Variants in RABEPK observed in about 807,000 individuals in gnomAD.
The protein encoded by RABEPK is 40 kDa Rab9 effector protein.
A neutral mutation model predicts 34.1 loss-of-function variants in RABEPK; 27 were observed. That is an observed-to-expected ratio of 0.79 (90% CI 0.58 to 1.09). The LOEUF (loss-of-function observed/expected upper bound fraction) is 1.09. RABEPK is among the 50% of genes least tolerant of loss of function. The probability of loss-of-function intolerance (pLI) is 0.00; values close to 1 mark genes in which losing one functional copy is unlikely to be tolerated. For synonymous variants in RABEPK, 172 were observed against 169.2 expected, an observed-to-expected ratio of 1.02 and a Z score of -0.13; for missense variants, 449 against 462.6, an observed-to-expected ratio of 0.97 and a Z score of 0.27.
At chr9:125,203,935 G>C (rs1306275060) in intron 2 of RABEPK, among the ~76,000 whole-genome samples, 1 of 149,462 alleles carries the variant, frequency 6.7e-6, no homozygotes, top group East Asian at 2.0e-4. Flanking sequence ...GGGAGGCTAA[G>C]ACAGGAGAAT....
At chr9:125,207,823 C>T in intron 3 of RABEPK, 102 bp downstream of exon 3, 1 of 1,427,802 alleles carries the variant, frequency 7.0e-7, no homozygotes, top group South Asian at 1.3e-5. Flanking sequence ...GCAGGGTTTT[C>T]CTATAAGAAA....
At chr9:125,203,458 A>T (rs921182397) in intron 2 of RABEPK, among the ~76,000 whole-genome samples, 4 of 152,134 alleles carry the variant, frequency 2.6e-5, no homozygotes, top group African/African-American at 9.7e-5. Context: ...CATTGGCCTG[A>T]TGGGGGCAGC....
At position 125,220,585 on chromosome 9, in the gene RABEPK, C is replaced by A. The variant is rs1280668474; in HGVS notation, c.411C>A (p.Ser137=). 3 of 1,614,020 alleles carry A rather than the reference C, an allele frequency of 1.9e-6. No individual in the cohort carries two copies. The highest frequency in any genetic ancestry group is 2.5e-6 in the Non-Finnish European group (3 of 1,180,032). Residue 137 remains serine (S), a synonymous_variant, in exon 5 of 8, where the codon TCC becomes TCA. Transcript: ENST00000373538. ...CAGAAGTGACCAGCCCCCCACCATC[C>A]CCAAGAACATTCCACACATCATCGG... is the stretch of plus-strand genomic sequence containing the variant. ...TTPEVTSPPP[S]PRTFHTSSAA...
chr9:125,205,888 A>T (rs1175147046), intron 2 of RABEPK, among the ~76,000 whole-genome samples: 1 of 152,182 alleles, frequency 6.6e-6, no homozygotes, highest in Admixed American at 6.6e-5. Flanking sequence ...GTGATAATTG[A>T]AGTTATCACT....
intron 7 of RABEPK, among the ~76,000 whole-genome samples, chr9:125,233,067 ACT>A (rs1458388745): frequency 4.7e-5 from 7 of 148,212 alleles, no homozygotes; most frequent in Non-Finnish European, 1.5e-5. Flanking sequence ...ACAGAGCGAG[ACT>A]CTGTCTCAAA....
chr9:125,233,440 G>A (rs974977373), intron 7 of RABEPK, among the ~76,000 whole-genome samples: 3 of 144,996 alleles, frequency 2.1e-5, no homozygotes, highest in African/African-American at 7.7e-5. Context: ...CTGGGTTCAC[G>A]CCATTCTCCT....
chr9:125,205,037 G>A (rs1353976127), intron 2 of RABEPK, among the ~76,000 whole-genome samples: 1 of 151,848 alleles, frequency 6.6e-6, no homozygotes, highest in Non-Finnish European at 1.5e-5. Flanking sequence ...TGCCCAGGCT[G>A]GTCTCAAACT....
chr9:125,219,537 G>A (rs903232726), intron 4 of RABEPK, among the ~76,000 whole-genome samples: 1 of 151,664 alleles, frequency 6.6e-6, no homozygotes, highest in Non-Finnish European at 1.5e-5. Flanking sequence ...GGGATTATAG[G>A]TCCCCACCAC....
chr9:125,207,855 G>GCCACCACACC, intron 3 of RABEPK, 134 bp downstream of exon 3: 1 of 1,093,762 alleles, frequency 9.1e-7, no homozygotes, highest in Non-Finnish European at 1.3e-6. Flanking sequence ...ACCAGGTGTG[G>GCCACCACACC]TGGCTCACGC....
At chr9:125,209,342 A>C (rs1588341102) in intron 3 of RABEPK, among the ~76,000 whole-genome samples, 2 of 149,796 alleles carry the variant, frequency 1.3e-5, no homozygotes, top group East Asian at 3.9e-4. Flanking sequence ...TATGCATGTG[A>C]GTCACCACAC....
At chr9:125,231,097 G>A (rs1832140133) in intron 6 of RABEPK, among the ~76,000 whole-genome samples, 1 of 151,678 alleles carries the variant, frequency 6.6e-6, no homozygotes, top group Non-Finnish European at 1.5e-5. Flanking sequence ...GAGGTCAGGA[G>A]TTTGAGACTA....
intron 5 of RABEPK, among the ~76,000 whole-genome samples, chr9:125,225,962 C>CA (rs60277969): frequency 0.17 from 16,678 of 98,332 alleles, 1,169 homozygotes; most frequent in Non-Finnish European, 0.19. Flanking sequence ...GACTCTGTTT[C>CA]AAAAAAAAAA....
chr9:125,211,777 G>A (rs536700612), intron 3 of RABEPK, among the ~76,000 whole-genome samples: 25 of 152,192 alleles, frequency 1.6e-4, no homozygotes, highest in Admixed American at 4.6e-4. Context: ...AGGCCAGCCC[G>A]GCCAATATGG....
intron 4 of RABEPK, among the ~76,000 whole-genome samples, chr9:125,216,787 C>A (rs1336147824): frequency 6.6e-6 from 1 of 152,000 alleles, no homozygotes; most frequent in East Asian, 1.9e-4. Context: ...ATACTGAAAG[C>A]CCGTCTCTAC....
chr9:125,232,561 C>T (rs1832273109), intron 6 of RABEPK, 35 bp from the exon 7 acceptor site: 1 of 1,591,856 alleles, frequency 6.3e-7, no homozygotes, highest in Admixed American at 1.8e-5. Context: ...CATCTTAGCC[C>T]ATGCTGCGCC....
chr9:125,205,726 G>A (rs1401597607), intron 2 of RABEPK, among the ~76,000 whole-genome samples: 1 of 152,146 alleles, frequency 6.6e-6, no homozygotes, highest in Non-Finnish European at 1.5e-5. Context: ...TTGACCTCAT[G>A]ATCTGCCTGC....
rs752707878 is a variant in RABEPK, at chr9:125,207,648, G to A, written c.138G>A (p.Lys46=). The A allele has an allele frequency of 7.4e-6, 12 of 1,614,062 alleles. No homozygotes were observed. The Admixed American group carries it at 2.0e-4, about 27-fold the overall frequency. Reference sequence around the variant, plus strand: ...ATTTACCCCCAGTTGGTAATGCCAAGAGAGGGAAGGTCTTCATTGTTGGGG... The same window carrying A: ...ATTTACCCCCAGTTGGTAATGCCAAAAGAGGGAAGGTCTTCATTGTTGGGG... ...CSYLPPVGNA[K]RGKVFIVGGA... The change falls in exon 3 of 8, where the codon AAG becomes AAA. Residue 46 remains lysine, a synonymous_variant. Transcript: ENST00000373538.
At position 125,210,755 on chromosome 9, in the gene RABEPK, C is replaced by T. The variant is rs574248562; in HGVS notation, c.212-2615C>T. Reference sequence around the variant, plus strand: ...AAAGAAACGATTATTCTTTGCTCTACACAAGGGCAGAAGTTGAACAATGGT... The same window carrying T: ...AAAGAAACGATTATTCTTTGCTCTATACAAGGGCAGAAGTTGAACAATGGT... On this transcript the variant is annotated intron_variant, in intron 3 of 7. Coordinates refer to ENST00000373538, the MANE Select transcript of RABEPK (RefSeq NM_005833.4). Among the ~76,000 whole-genome samples the T allele has an allele frequency of 4.0e-5, 6 of 150,160 alleles. 1 individual carries two copies. The South Asian group carries it at 1.3e-3, about 32-fold the overall frequency.
In RABEPK at chr9:125,233,835, A is replaced by G; in HGVS notation, c.974A>G (p.Lys325Arg). Residue 325 changes from lysine to arginine, a missense_variant, in exon 8 of 8, where the codon AAA becomes AGA. Physicochemically the swap from Lys to Arg is conservative, Grantham distance 26 (BLOSUM62 2). Coordinates refer to ENST00000373538, the MANE Select transcript of RABEPK (RefSeq NM_005833.4). The part of the protein sequence containing the change: ...NSLTLNHEAE[K>R]EDSADKVMSH... ...CTCACTCTGAACCATGAAGCTGAGA[A>G]AGAGGATTCAGCTGACAAAGTAATG... The G allele has an allele frequency of 1.2e-6, 2 of 1,614,188 alleles. No homozygotes were observed. Among genetic ancestry groups the G allele is most frequent in the Non-Finnish European group, 1.7e-6 (2 of 1,180,036 alleles).
Sources: gnomAD v4.1 joint callset for allele counts (sites outside exome capture counted in the v4.1 genomes callset) on GRCh38, gnomAD v4.1.1 for gene constraint, MANE v1.5 for transcripts, NCBI Gene and HGNC (gene_info 2026-07-23, HGNC 2026-07-21) for gene names.